The following FRMD6 variants were observed in gnomAD, a reference collection of about 807,000 sequenced individuals.
FRMD6 encodes FERM domain-containing protein 6.
In FRMD6, 37 loss-of-function variants were observed where a neutral mutation model predicts 73.2. The observed-to-expected ratio is 0.51, with a 90% CI of 0.39 to 0.66. FRMD6 has a LOEUF of 0.66. FRMD6 is among the 30% of genes least tolerant of loss of function. FRMD6 has a pLI of 0.00. For synonymous variants in FRMD6, 273 were observed against 282.2 expected, an observed-to-expected ratio of 0.97 and a Z score of 0.33; for missense variants, 714 against 780.5, an observed-to-expected ratio of 0.91 and a Z score of 1.02.
At chr14:51,506,477 C>T (rs1054190516) in intron 1 of FRMD6, among the ~76,000 whole-genome samples, 4 of 152,210 alleles carry the variant, frequency 2.6e-5, no homozygotes, top group African/African-American at 9.6e-5. Context: ...CAAGTTAAAA[C>T]AGCAAATGAG....
At chr14:51,523,407 T>C (rs568641213) in intron 1 of FRMD6, among the ~76,000 whole-genome samples, 1 of 152,084 alleles carries the variant, frequency 6.6e-6, no homozygotes, top group Non-Finnish European at 1.5e-5. Flanking sequence ...TTAGCCTCTG[T>C]GGTCCTGGAA....
At chr14:51,434,547 C>T in the FRMD6 span, among the ~76,000 whole-genome samples, 1 of 55,916 alleles carries the variant, frequency 1.8e-5, no homozygotes, top group African/African-American at 7.5e-5. Context: ...ATCTATGGCT[C>T]TAAATTGACA....
the FRMD6 span, among the ~76,000 whole-genome samples, chr14:51,410,100 T>A: frequency 6.6e-6 from 1 of 152,224 alleles, no homozygotes; most frequent in Admixed American, 6.5e-5. Context: ...TAGTTTCAGA[T>A]CTTTTTCTGA....
At chr14:51,641,564 G>A (rs1374011288) in intron 2 of FRMD6, among the ~76,000 whole-genome samples, 1 of 152,122 alleles carries the variant, frequency 6.6e-6, no homozygotes, top group Non-Finnish European at 1.5e-5. Context: ...GAACGGTGGA[G>A]GCAGAAACTG....
intron 2 of FRMD6, among the ~76,000 whole-genome samples, chr14:51,694,047 T>C (rs1411648518): frequency 6.6e-6 from 1 of 152,234 alleles, no homozygotes; most frequent in Non-Finnish European, 1.5e-5. Flanking sequence ...TTTCTCTCTC[T>C]ATAACAATGA....
chr14:51,463,999 G>A, the FRMD6 span, among the ~76,000 whole-genome samples: 4 of 152,178 alleles, frequency 2.6e-5, no homozygotes, highest in South Asian at 4.1e-4. Context: ...TTTTAGAGAC[G>A]GGGTTTCGCT....
intron 5 of FRMD6, 188 bp from the exon 6 acceptor site, chr14:51,704,561 C>G: frequency 1.8e-6 from 1 of 541,964 alleles, no homozygotes; most frequent in East Asian, 2.8e-5. Flanking sequence ...GGGGTTCTGA[C>G]CCCCTGCAAC....
At chr14:51,453,187 G>C in the FRMD6 span, among the ~76,000 whole-genome samples, 1 of 152,070 alleles carries the variant, frequency 6.6e-6, no homozygotes, top group Non-Finnish European at 1.5e-5. Context: ...TGGTGCCCAA[G>C]AGAGGTGATT....
the FRMD6 span, among the ~76,000 whole-genome samples, chr14:51,478,373 T>C: frequency 1.3e-5 from 2 of 152,236 alleles, no homozygotes; most frequent in African/African-American, 2.4e-5. Flanking sequence ...GAATGAATAG[T>C]AGTCAGTGGA....
the FRMD6 span, among the ~76,000 whole-genome samples, chr14:51,461,449 A>G: frequency 6.6e-6 from 1 of 152,238 alleles, no homozygotes; most frequent in African/African-American, 2.4e-5. Flanking sequence ...TTGTGTTCCT[A>G]TTCCCAATAA....
rs1423759629 is a variant in FRMD6, at chr14:51,646,305, G to A, written c.-146-43386G>A. On this transcript the variant is annotated intron_variant, in intron 2 of 14. Transcript: ENST00000356218. ...TGCACTCCAGCCTGGGCGACACAGC[G>A]AGACTCCATATCCAAAAAAAAAAAA... Among the ~76,000 whole-genome samples the A allele has an allele frequency of 2.4e-5, 3 of 126,520 alleles. 1 individual carries two copies. The highest frequency in any genetic ancestry group is 5.5e-4 in the South Asian group (2 of 3,618). 83.0% of individuals were successfully genotyped at this position (126,520 alleles called of 152,430 possible). A position where few individuals can be genotyped will look rare whatever the true frequency, so the allele number is the denominator to read the frequency against.
At chr14:51,497,776 G>C (rs1410438809) in intron 1 of FRMD6, among the ~76,000 whole-genome samples, 1 of 152,096 alleles carries the variant, frequency 6.6e-6, no homozygotes, top group East Asian at 1.9e-4. Flanking sequence ...CATATTTCAA[G>C]TGCCCAGTAG....
chr14:51,397,026 G>A, the FRMD6 span: 2 of 152,368 alleles, frequency 1.3e-5, no homozygotes, highest in Admixed American at 1.3e-4. Context: ...CCTAGAAGTG[G>A]GTAGGTTGGG....
At chr14:51,602,266 T>C (rs376985967) in intron 2 of FRMD6, among the ~76,000 whole-genome samples, 2 of 152,276 alleles carry the variant, frequency 1.3e-5, no homozygotes, top group East Asian at 3.9e-4. Context: ...CAGGAGTGTA[T>C]GTCCGTGTAT....
intron 1 of FRMD6, among the ~76,000 whole-genome samples, chr14:51,532,247 T>C (rs1315886120): frequency 6.6e-6 from 1 of 151,536 alleles, no homozygotes. Context: ...CGGGCACCTG[T>C]AGTCCCAGCT....
intron 2 of FRMD6, among the ~76,000 whole-genome samples, chr14:51,598,802 G>A (rs1158596429): frequency 1.3e-5 from 2 of 152,142 alleles, no homozygotes; most frequent in African/African-American, 2.4e-5. Context: ...CACTGCTGAT[G>A]GGCACCTAGG....
chr14:51,561,597 G>A (rs924649311), intron 1 of FRMD6, among the ~76,000 whole-genome samples: 1 of 152,172 alleles, frequency 6.6e-6, no homozygotes, highest in African/African-American at 2.4e-5. Flanking sequence ...TTGACAACAG[G>A]CTTGGGTGTT....
intron 9 of FRMD6, 92 bp from the exon 10 acceptor site, chr14:51,715,233 C>A: frequency 2.1e-6 from 2 of 942,030 alleles, no homozygotes; most frequent in Non-Finnish European, 3.1e-6. Context: ...ATTTCAGAAT[C>A]TATAATTTTC....
At chr14:51,710,156 G>A (rs12888970) in intron 7 of FRMD6, among the ~76,000 whole-genome samples, 15,676 of 152,132 alleles carry the variant, frequency 0.1, 1,073 homozygotes, top group Non-Finnish European at 0.16. Flanking sequence ...AAAGTATGGC[G>A]CTTCTGAATT....
Sources: allele counts gnomAD v4.1 joint callset (sites outside exome capture counted in the v4.1 genomes callset), GRCh38; gene constraint gnomAD v4.1.1; transcripts MANE v1.5; gene names NCBI Gene and HGNC (gene_info 2026-07-23, HGNC 2026-07-21).